PCDH7: variants seen among roughly 807,000 people sequenced by gnomAD.
PCDH7 encodes the protein protocadherin-7.
Under a neutral mutation model 58.9 loss-of-function variants are expected in PCDH7, and 17 were observed. The observed-to-expected ratio is 0.29, with a 90% CI of 0.20 to 0.43. PCDH7 has a LOEUF of 0.43. Ranked by LOEUF, PCDH7 falls within the 20% of genes least tolerant of loss-of-function variation. The pLI, the probability that PCDH7 is intolerant of heterozygous loss-of-function variation, is 1.00. For synonymous variants in PCDH7, 664 were observed against 616.4 expected, an observed-to-expected ratio of 1.08 and a Z score of -1.14; for missense variants, 1,274 against 1,441.0, an observed-to-expected ratio of 0.88 and a Z score of 1.88.
At chr4:30,745,322 T>C (rs1257040971) in intron 1 of PCDH7, among the ~76,000 whole-genome samples, 1 of 152,084 alleles carries the variant, frequency 6.6e-6, no homozygotes, top group African/African-American at 2.4e-5. Flanking sequence ...ATAATGACTT[T>C]TTTTCTTTTA....
At chr4:30,911,930 A>C (rs1741828794) in intron 1 of PCDH7, among the ~76,000 whole-genome samples, 1 of 152,186 alleles carries the variant, frequency 6.6e-6, no homozygotes, top group Admixed American at 6.5e-5. Context: ...ATAATTAAAT[A>C]GTTTGTAATC....
chr4:30,740,295 A>G (rs2109247586), intron 1 of PCDH7, among the ~76,000 whole-genome samples: 1 of 152,292 alleles, frequency 6.6e-6, no homozygotes, highest in Non-Finnish European at 1.5e-5. Flanking sequence ...CTATTTTAGT[A>G]TCTTGTACTA....
chr4:30,918,632 A>T (rs1742787860), intron 1 of PCDH7, among the ~76,000 whole-genome samples: 1 of 152,158 alleles, frequency 6.6e-6, no homozygotes. Context: ...CAATTCAGTG[A>T]AACATTATAA....
chr4:31,137,768 A>G (rs898586520), intron 3 of PCDH7, among the ~76,000 whole-genome samples: 2 of 152,202 alleles, frequency 1.3e-5, no homozygotes, highest in Non-Finnish European at 1.5e-5. Context: ...TCACATGGCC[A>G]GCAAATTAAA....
At chr4:30,827,217 G>A (rs750823950) in intron 1 of PCDH7, among the ~76,000 whole-genome samples, 1 of 151,858 alleles carries the variant, frequency 6.6e-6, no homozygotes, top group African/African-American at 2.4e-5. Flanking sequence ...GCTTGCTTTG[G>A]GCCAGCTATT....
chr4:30,787,505 A>G (rs1723564108), intron 1 of PCDH7, among the ~76,000 whole-genome samples: 1 of 152,260 alleles, frequency 6.6e-6, no homozygotes, highest in East Asian at 1.9e-4. Context: ...AGATCACAGT[A>G]TATGTCACAG....
At chr4:30,914,829 C>T (rs1389820003) in intron 1 of PCDH7, among the ~76,000 whole-genome samples, 2 of 152,078 alleles carry the variant, frequency 1.3e-5, no homozygotes, top group Non-Finnish European at 2.9e-5. Flanking sequence ...ATACCCTGAG[C>T]CTAAGGCACA....
At chr4:30,942,639 A>T (rs1217245260) in intron 2 of PCDH7, among the ~76,000 whole-genome samples, 1 of 152,076 alleles carries the variant, frequency 6.6e-6, no homozygotes, top group African/African-American at 2.4e-5. Context: ...CCTTAAAAAA[A>T]TTATTTTCTA....
chr4:30,952,903 C>T (rs191286784), intron 3 of PCDH7, among the ~76,000 whole-genome samples: 14 of 152,244 alleles, frequency 9.2e-5, no homozygotes, highest in Non-Finnish European at 7.4e-5. Context: ...CCAAATATCC[C>T]TCTCCACCAC....
chr4:31,060,054 G>A (rs976909187), intron 3 of PCDH7, among the ~76,000 whole-genome samples: 1 of 151,694 alleles, frequency 6.6e-6, no homozygotes. Context: ...GAAATGTAGA[G>A]TGTGCTGATT....
At chr4:30,885,172 C>A (rs1015004292) in intron 1 of PCDH7, 3 of 152,122 alleles carry the variant, frequency 2.0e-5, no homozygotes, top group South Asian at 4.1e-4. Context: ...TATTTGGACT[C>A]ATGGGAGCAC....
chr4:30,912,261 A>T (rs1463804065), intron 1 of PCDH7, among the ~76,000 whole-genome samples: 1 of 152,176 alleles, frequency 6.6e-6, no homozygotes, highest in Admixed American at 6.6e-5. Context: ...ATATAGTCCA[A>T]CTAATGCACT....
At chr4:31,097,709 A>G (rs2109296100) in intron 3 of PCDH7, among the ~76,000 whole-genome samples, 1 of 145,288 alleles carries the variant, frequency 6.9e-6, no homozygotes, top group African/African-American at 2.6e-5. Context: ...TTGTCTACCT[A>G]ATAAGCAAGT....
In PCDH7 at chr4:30,773,072, T is replaced by A. The variant is rs1721619178; in HGVS notation, c.70+48476T>A. Among the ~76,000 whole-genome samples, 6 of 152,146 alleles carry A rather than the reference T, an allele frequency of 3.9e-5. No individual in the cohort carries two copies. In the South Asian group the frequency reaches 1.2e-3, roughly 32 times the overall value. Reference sequence around the variant, plus strand: ...ATGTGCCACCACACAACCAGCTAATTTTTGAATGTTTGTAGAGACGGGATT... The same window carrying A: ...ATGTGCCACCACACAACCAGCTAATATTTGAATGTTTGTAGAGACGGGATT... On this transcript the variant is annotated intron_variant, in intron 1 of 3. Transcript: ENST00000509759.
chr4:30,995,718 C>T lies in PCDH7; in HGVS notation c.*7+45503C>T, dbSNP rs559226640. ...TCTGGAGACTCTAATGGAGAGAATC[C>T]CTTTTCTTGCCTTTTTCAGCTTCTG... On this transcript the variant is annotated intron_variant, in intron 3 of 3. Transcript: ENST00000509759. 3.9e-5 allele frequency among the ~76,000 whole-genome samples: 6 copies of T among 152,114 alleles called. No homozygotes were observed. The East Asian group carries it at 7.7e-4, about 20-fold the overall frequency.
At chr4:30,753,524 A>G (rs1718847094) in intron 1 of PCDH7, among the ~76,000 whole-genome samples, 2 of 152,228 alleles carry the variant, frequency 1.3e-5, no homozygotes, top group Non-Finnish European at 2.9e-5. Flanking sequence ...TGCAAAGGCT[A>G]GCAGTAGCAC....
chr4:30,990,293 A>G (rs1751362487), intron 3 of PCDH7, among the ~76,000 whole-genome samples: 1 of 152,004 alleles, frequency 6.6e-6, no homozygotes, highest in African/African-American at 2.4e-5. Context: ...ATGTATGTAC[A>G]CAGACTATAT....
At chr4:31,032,466 G>C (rs1755009959) in intron 3 of PCDH7, among the ~76,000 whole-genome samples, 1 of 151,974 alleles carries the variant, frequency 6.6e-6, no homozygotes, top group South Asian at 2.1e-4. Context: ...AAATTAGCTT[G>C]TTGTGGTAGT....
intron 1 of PCDH7, among the ~76,000 whole-genome samples, chr4:30,918,401 T>C (rs1560499998): frequency 6.6e-6 from 1 of 152,044 alleles, no homozygotes; most frequent in Non-Finnish European, 1.5e-5. Flanking sequence ...AGAGTACAAA[T>C]TGATTTCTTT....
Sources: gnomAD v4.1 joint callset for allele counts (sites outside exome capture counted in the v4.1 genomes callset) on GRCh38, gnomAD v4.1.1 for gene constraint, MANE v1.5 for transcripts, NCBI Gene and HGNC (gene_info 2026-07-23, HGNC 2026-07-21) for gene names.